FRMPD4: variants seen among roughly 807,000 people sequenced by gnomAD.
The protein encoded by FRMPD4 is FERM and PDZ domain containing 4, also known as FERM and PDZ domain-containing protein 4.
FRMPD4 carries 22 observed loss-of-function variants against 94.1 expected under a neutral mutation model. That is an observed-to-expected ratio of 0.23 (90% CI 0.17 to 0.33). The LOEUF is 0.33. Ranked by LOEUF, FRMPD4 falls within the 10% of genes least tolerant of loss-of-function variation. The probability of loss-of-function intolerance (pLI) is 1.00; values close to 1 mark genes in which losing one functional copy is unlikely to be tolerated. For missense variants in FRMPD4, 1,111 were observed against 1,339.9 expected (o/e 0.83, Z 2.67); for synonymous variants, 631 against 548.6 (o/e 1.15, Z -2.10).
intron 3 of FRMPD4, among the ~76,000 whole-genome samples, chrX:11,926,691 G>A (rs2054090451): frequency 9.0e-6 from 1 of 111,519 alleles, no homozygotes; most frequent in South Asian, 3.7e-4. Flanking sequence ...TAAAAGTCTT[G>A]ATAAAATTCA....
intron 1 of FRMPD4, among the ~76,000 whole-genome samples, chrX:12,359,529 G>T (rs995478933): frequency 1.9e-5 from 2 of 106,333 alleles, no homozygotes; most frequent in Non-Finnish European, 3.9e-5. Flanking sequence ...GTATAGTGGC[G>T]CAGTCTTGGC....
chrX:12,057,287 G>A (rs774889276), intron 3 of FRMPD4, among the ~76,000 whole-genome samples: 268 of 111,168 alleles, frequency 2.4e-3, no homozygotes, highest in Admixed American at 5.3e-3. Flanking sequence ...CTTACTTTTA[G>A]CATAAATGGA....
intron 1 of FRMPD4, among the ~76,000 whole-genome samples, chrX:12,178,278 C>T (rs1005495917): frequency 9.0e-6 from 1 of 111,405 alleles, no homozygotes; most frequent in Non-Finnish European, 1.9e-5. Context: ...CAATACATTT[C>T]TGTTGTTTAT....
chrX:12,349,107 G>A (rs1330780035), intron 1 of FRMPD4, among the ~76,000 whole-genome samples: 1 of 111,391 alleles, frequency 9.0e-6, no homozygotes, highest in Non-Finnish European at 1.9e-5. Context: ...GGAGACCCAT[G>A]GTGAGGTAAG....
intron 1 of FRMPD4, among the ~76,000 whole-genome samples, chrX:12,305,475 A>G (rs2054920459): frequency 9.0e-6 from 1 of 111,485 alleles, no homozygotes; most frequent in African/African-American, 3.3e-5. Flanking sequence ...GCCAAAAGTC[A>G]GATGTGGAAA....
intron 3 of FRMPD4, among the ~76,000 whole-genome samples, chrX:11,918,862 G>T (rs2054039835): frequency 8.9e-6 from 1 of 112,181 alleles, no homozygotes; most frequent in Admixed American, 9.4e-5. Context: ...AGTGGAACTA[G>T]GCTGAAACTG....
chrX:12,033,027 C>G lies in FRMPD4; in HGVS notation c.95+155009C>G, dbSNP rs184044426. ...ACAAAAATTACTAGTCAAAGGAATG[C>G]CAAAGACCAGTTAAGGCTGACTACC... On this transcript the variant is annotated intron_variant, in intron 3 of 18. Coordinates refer to the FRMPD4 transcript ENST00000640291. Among the ~76,000 whole-genome samples, 75 of 111,798 alleles carry G rather than the reference C, an allele frequency of 6.7e-4. No homozygotes were observed. The East Asian group carries it at 0.019, about 29-fold the overall frequency.
chrX:12,108,857 C>CAACAAG (rs935877262), intron 3 of FRMPD4, among the ~76,000 whole-genome samples: 1 of 111,893 alleles, frequency 8.9e-6, no homozygotes, highest in African/African-American at 3.3e-5. Flanking sequence ...GGGATCAATT[C>CAACAAG]AACAAGAAGA....
At chrX:12,317,139 G>T (rs1461322678) in intron 1 of FRMPD4, among the ~76,000 whole-genome samples, 1 of 111,524 alleles carries the variant, frequency 9.0e-6, no homozygotes, top group East Asian at 2.8e-4. Context: ...TTAAGAAACA[G>T]ATTTCCTTTA....
At chrX:12,579,968 A>G (rs2058848767) in intron 2 of FRMPD4, among the ~76,000 whole-genome samples, 1 of 112,699 alleles carries the variant, frequency 8.9e-6, no homozygotes, top group African/African-American at 3.2e-5. Flanking sequence ...TTGTTTAAAA[A>G]TAAAAATGAA....
intron 1 of FRMPD4, among the ~76,000 whole-genome samples, chrX:12,159,086 G>A (rs1237519891): frequency 8.9e-6 from 1 of 112,450 alleles, no homozygotes; most frequent in East Asian, 2.8e-4. Context: ...TTAAGGTAAA[G>A]CTGCTGTACC....
chrX:11,995,630 G>A (rs1233846772), intron 3 of FRMPD4, among the ~76,000 whole-genome samples: 2 of 111,647 alleles, frequency 1.8e-5, no homozygotes, highest in African/African-American at 6.5e-5. Flanking sequence ...TTTATATAAA[G>A]TATTAATAAA....
At chrX:12,690,924 T>C (rs1218678710) in intron 8 of FRMPD4, among the ~76,000 whole-genome samples, 1 of 111,785 alleles carries the variant, frequency 8.9e-6, no homozygotes, top group Non-Finnish European at 1.9e-5. Context: ...AAGCAAAGTC[T>C]TTGTTGAACG....
intron 3 of FRMPD4, among the ~76,000 whole-genome samples, chrX:11,975,874 C>T (rs2054364478): frequency 8.9e-6 from 1 of 111,770 alleles, no homozygotes; most frequent in African/African-American, 3.3e-5. Flanking sequence ...AAAGAAATGC[C>T]ATTTATTTGC....
chrX:12,254,913 C>T (rs1345339146), intron 1 of FRMPD4, among the ~76,000 whole-genome samples: 3 of 110,274 alleles, frequency 2.7e-5, no homozygotes, highest in African/African-American at 9.9e-5. Context: ...CCATACAGCA[C>T]AGAATTTGAC....
At chrX:12,541,374 C>A (rs5935364) in intron 2 of FRMPD4, among the ~76,000 whole-genome samples, 1 of 108,871 alleles carries the variant, frequency 9.2e-6, no homozygotes, top group African/African-American at 3.3e-5. Context: ...GAGAGAAGAA[C>A]CAAATAGATG....
chrX:11,830,599 A>G (rs2053469572), intron 1 of FRMPD4, among the ~76,000 whole-genome samples: 2 of 112,246 alleles, frequency 1.8e-5, no homozygotes, highest in Admixed American at 1.9e-4. Flanking sequence ...TAAGCTCCAC[A>G]ACATAAGTAT....
At chrX:12,351,156 G>C (rs1216152108) in intron 1 of FRMPD4, among the ~76,000 whole-genome samples, 2 of 92,132 alleles carry the variant, frequency 2.2e-5, no homozygotes, top group African/African-American at 8.6e-5. Flanking sequence ...TGGTGACAGA[G>C]TGAGACTCCA....
intron 1 of FRMPD4, among the ~76,000 whole-genome samples, chrX:11,861,722 C>A (rs889415554): frequency 2.7e-5 from 3 of 111,974 alleles, no homozygotes; most frequent in African/African-American, 9.7e-5. Context: ...CATAGAGGTT[C>A]TAAGGTGAGA....
Sources: gnomAD v4.1 joint callset for allele counts (sites outside exome capture counted in the v4.1 genomes callset) on GRCh38, gnomAD v4.1.1 for gene constraint, MANE v1.5 for transcripts, NCBI Gene and HGNC (gene_info 2026-07-23, HGNC 2026-07-21) for gene names.